Variants in CTNNA3 observed in about 807,000 individuals in gnomAD.
CTNNA3 encodes the protein catenin alpha 3.
A neutral mutation model predicts 95.7 loss-of-function variants in CTNNA3; 76 were observed. The ratio of observed to expected loss-of-function variants is 0.79; its 90% CI spans 0.66 to 0.96. The LOEUF is 0.96. Among genes scored for constraint, CTNNA3 ranks in the 40% least tolerant of loss-of-function variants. The pLI is 0.00. For synonymous variants in CTNNA3, 431 were observed against 374.4 expected (o/e 1.15, Z -1.74); for missense variants, 1,191 against 1,089.8 (o/e 1.09, Z -1.31).
chr10:66,272,358 T>C (rs1454757656), intron 13 of CTNNA3, among the ~76,000 whole-genome samples: 1 of 152,200 alleles, frequency 6.6e-6, no homozygotes, highest in Admixed American at 6.5e-5. Context: ...CTATGAAGTC[T>C]TTGTACATTA....
intron 7 of CTNNA3, among the ~76,000 whole-genome samples, chr10:67,065,618 T>C (rs1371457650): frequency 2.0e-5 from 3 of 152,096 alleles, no homozygotes; most frequent in African/African-American, 7.2e-5. Context: ...TGGTGGGATA[T>C]TTCCAGTCTT....
At chr10:67,732,130 A>G (rs757557265) in intron 1 of CTNNA3, among the ~76,000 whole-genome samples, 35 of 151,606 alleles carry the variant, frequency 2.3e-4, no homozygotes, top group Middle Eastern at 3.4e-3. Context: ...CTTGTTATCA[A>G]TTGTTGAACT....
In CTNNA3 at chr10:66,963,855, T is replaced by A. The variant is rs1294875906; in HGVS notation, c.1048-188331A>T. On this transcript the variant is annotated intron_variant, in intron 7 of 17. Coordinates refer to ENST00000433211, the MANE Select transcript of CTNNA3 (RefSeq NM_013266.4). The stretch of plus-strand genomic sequence containing the variant: ...AGTGCATAGACATCAATTTTTTTTT[T>A]TTTTTTAAGATGGAGTCTTGCTCTG... Among the ~76,000 whole-genome samples the A allele has an allele frequency of 5.9e-5, 9 of 151,902 alleles. 2 individuals are homozygous for A. Among genetic ancestry groups the A allele is most frequent in the Admixed American group, 5.9e-4 (9 of 15,244 alleles).
At chr10:67,567,367 T>C (rs377571889) in intron 3 of CTNNA3, among the ~76,000 whole-genome samples, 1 of 151,916 alleles carries the variant, frequency 6.6e-6, no homozygotes, top group Admixed American at 6.6e-5. Flanking sequence ...CATGCTTTCA[T>C]AAGTGGATGC....
At chr10:66,857,621 C>T (rs1228036397) in intron 7 of CTNNA3, among the ~76,000 whole-genome samples, 6 of 151,972 alleles carry the variant, frequency 3.9e-5, no homozygotes, top group African/African-American at 1.4e-4. Context: ...AGATATCTTT[C>T]GCCTCTGTGG....
intron 1 of CTNNA3, among the ~76,000 whole-genome samples, chr10:67,681,796 T>C (rs898778972): frequency 1.3e-5 from 2 of 152,102 alleles, no homozygotes; most frequent in African/African-American, 4.8e-5. Context: ...CAACAAATTA[T>C]GGGGAAATAC....
Position 67,536,860 on chromosome 10 carries a change from A to G in CTNNA3, c.459+2643T>C, listed in dbSNP as rs181501350. 1.8e-4 allele frequency among the ~76,000 whole-genome samples: 28 copies of G among 152,190 alleles called. 1 individual carries two copies. The highest frequency in any genetic ancestry group is 6.5e-4 in the African/African-American group (27 of 41,562). On this transcript the variant is annotated intron_variant, in intron 4 of 17. Transcript: ENST00000433211. ...CATGCTCTACAGAATACTTTTGGGG[A>G]AATGTTGGGCTAAATAATTCTAATC... is the stretch of plus-strand genomic sequence containing the variant.
intron 12 of CTNNA3, among the ~76,000 whole-genome samples, chr10:66,334,013 C>T (rs1010419632): frequency 9.9e-5 from 15 of 151,874 alleles, no homozygotes; most frequent in African/African-American, 2.7e-4. Flanking sequence ...TGATCTTTGT[C>T]GGTTTAAAGT....
intron 10 of CTNNA3, among the ~76,000 whole-genome samples, chr10:66,573,590 G>A (rs1308465725): frequency 6.6e-6 from 1 of 152,038 alleles, no homozygotes; most frequent in East Asian, 1.9e-4. Flanking sequence ...TTATTCTATT[G>A]AATTGCCTAT....
At chr10:67,024,374 A>G (rs1853221194) in intron 7 of CTNNA3, among the ~76,000 whole-genome samples, 1 of 152,188 alleles carries the variant, frequency 6.6e-6, no homozygotes, top group Non-Finnish European at 1.5e-5. Context: ...CAGGTACATC[A>G]GTGAGCCCAC....
At chr10:66,333,145 C>T (rs1253518488) in intron 12 of CTNNA3, among the ~76,000 whole-genome samples, 4 of 151,728 alleles carry the variant, frequency 2.6e-5, no homozygotes, top group African/African-American at 7.2e-5. Context: ...TTGCTAGCGG[C>T]CTATCAATTT....
At chr10:66,033,421 C>G (rs1199492572) in intron 15 of CTNNA3, among the ~76,000 whole-genome samples, 2 of 152,134 alleles carry the variant, frequency 1.3e-5, no homozygotes, top group African/African-American at 4.8e-5. Context: ...AGGCGTGAGC[C>G]ACTGTGCCCG....
At chr10:66,857,387 TAA>T (rs1843723437) in intron 7 of CTNNA3, among the ~76,000 whole-genome samples, 1 of 134,242 alleles carries the variant, frequency 7.4e-6, no homozygotes, top group Non-Finnish European at 1.6e-5. Flanking sequence ...CTATTTGGAC[TAA>T]TTTTTTTTTT....
At chr10:67,668,029 A>G (rs1314232323) in intron 1 of CTNNA3, among the ~76,000 whole-genome samples, 1 of 152,132 alleles carries the variant, frequency 6.6e-6, no homozygotes, top group East Asian at 1.9e-4. Flanking sequence ...TGTTGTTTCT[A>G]GTTACCCACT....
intron 12 of CTNNA3, among the ~76,000 whole-genome samples, chr10:66,355,726 A>T (rs989306610): frequency 9.4e-6 from 1 of 106,348 alleles, no homozygotes; most frequent in Non-Finnish European, 2.5e-5. Context: ...ACTTCCAAGG[A>T]AATCAAATTA....
At chr10:66,356,945 C>T (rs904431504) in intron 12 of CTNNA3, among the ~76,000 whole-genome samples, 1 of 151,918 alleles carries the variant, frequency 6.6e-6, no homozygotes, top group Non-Finnish European at 1.5e-5. Context: ...GTCCTTGCAT[C>T]CTTGAGATAA....
chr10:66,997,555 T>C (rs368327904), intron 7 of CTNNA3, among the ~76,000 whole-genome samples: 4 of 152,178 alleles, frequency 2.6e-5, no homozygotes, highest in African/African-American at 7.2e-5. Context: ...AGTAAATCTC[T>C]TAATATGTAT....
chr10:67,608,962 T>C (rs1843365758), intron 2 of CTNNA3, among the ~76,000 whole-genome samples: 1 of 151,840 alleles, frequency 6.6e-6, no homozygotes, highest in Non-Finnish European at 1.5e-5. Flanking sequence ...TGGTGGCGCA[T>C]GCCTATAATC....
chr10:66,564,127 C>T (rs1160319332), intron 10 of CTNNA3, among the ~76,000 whole-genome samples: 1 of 152,096 alleles, frequency 6.6e-6, no homozygotes, highest in Non-Finnish European at 1.5e-5. Flanking sequence ...ATTTTGGGTT[C>T]ACAATACTCT....
Sources: gnomAD v4.1 joint callset for allele counts (sites outside exome capture counted in the v4.1 genomes callset) on GRCh38, gnomAD v4.1.1 for gene constraint, MANE v1.5 for transcripts, NCBI Gene and HGNC (gene_info 2026-07-23, HGNC 2026-07-21) for gene names.